Variants in DNAI3 observed in about 807,000 individuals in gnomAD.
The protein encoded by DNAI3 is WD repeat domain 63.
A neutral mutation model predicts 115.5 loss-of-function variants in DNAI3; 83 were observed. The ratio of observed to expected loss-of-function variants is 0.72; its 90% CI spans 0.60 to 0.86. DNAI3 has a LOEUF of 0.86. Ranked by LOEUF, DNAI3 falls within the 40% of genes least tolerant of loss-of-function variation. The pLI is 0.00. For synonymous variants in DNAI3, 320 were observed against 347.0 expected (o/e 0.92, Z 0.86); for missense variants, 1,004 against 1,075.8 (o/e 0.93, Z 0.93).
chr1:85,072,954 C>CAAAA lies in DNAI3; in HGVS notation c.65-83_65-80dup, dbSNP rs35956778. The CAAAA allele has an allele frequency of 1.5e-3, 615 of 407,718 alleles. 4 individuals carry two copies. The highest frequency in any genetic ancestry group is 3.6e-3 in the African/African-American group (100 of 27,526). 25.3% of individuals were successfully genotyped at this position (407,718 alleles called of 1,614,324 possible). ...TGGGCGACAGAGCAAGACTCCGTCTCAAAAAAAAAAAAAAAAAAAAGAAGA... is the reference window on the plus strand; with the variant it reads ...TGGGCGACAGAGCAAGACTCCGTCTCAAAAAAAAAAAAAAAAAAAAAAAAGAAGA... On this transcript the variant is annotated intron_variant, in intron 2 of 22. Transcript: ENST00000294664.
chr1:85,113,271 G>C lies in DNAI3; in HGVS notation c.1786+3136G>C, dbSNP rs1020173187. ...ATCAATTTATTCTTTTGTGGATCAT[G>C]GTTTTGGTGTTGAATTTAAGAAATG... On this transcript the variant is annotated intron_variant, in intron 16 of 22. Coordinates refer to ENST00000294664, the MANE Select transcript of DNAI3 (RefSeq NM_145172.5). 7.9e-5 allele frequency among the ~76,000 whole-genome samples: 12 copies of C among 152,210 alleles called. 1 individual carries two copies. The highest frequency in any genetic ancestry group is 2.9e-4 in the African/African-American group (12 of 41,534).
chr1:85,077,146 A>G (rs945389115), intron 3 of DNAI3, among the ~76,000 whole-genome samples: 3 of 152,234 alleles, frequency 2.0e-5, no homozygotes, highest in Non-Finnish European at 2.9e-5. Context: ...AGAGTCCAAA[A>G]ATAGACCACA....
intron 2 of DNAI3, 58 bp downstream of exon 2, chr1:85,072,063 C>A: frequency 6.8e-7 from 1 of 1,469,728 alleles, no homozygotes; most frequent in Non-Finnish European, 9.3e-7. Flanking sequence ...TATATATTAG[C>A]AGCAAAATGA....
At chr1:85,088,288 C>T (rs1346079584) in intron 7 of DNAI3, among the ~76,000 whole-genome samples, 1 of 151,906 alleles carries the variant, frequency 6.6e-6, no homozygotes, top group East Asian at 1.9e-4. Flanking sequence ...TGGCAGTGTT[C>T]CTACATAGAG....
At chr1:85,119,837 A>G (rs1159494223) in intron 17 of DNAI3, among the ~76,000 whole-genome samples, 1 of 152,128 alleles carries the variant, frequency 6.6e-6, no homozygotes, top group African/African-American at 2.4e-5. Context: ...AGCTGGAATT[A>G]CAGGCGTGTG....
chr1:85,125,336 C>CAT (rs960467535), intron 19 of DNAI3, among the ~76,000 whole-genome samples: 13 of 151,660 alleles, frequency 8.6e-5, no homozygotes, highest in Non-Finnish European at 1.6e-4. Flanking sequence ...TATACACACA[C>CAT]ATATATATAT....
In DNAI3 at chr1:85,121,614, C is replaced by T; in HGVS notation, c.1918-137C>T. The T allele has an allele frequency of 2.7e-6, 2 of 737,138 alleles. 1 individual carries two copies. The highest frequency in any genetic ancestry group is 3.8e-5 in the South Asian group (2 of 52,330). The allele number at this position is 737,138 out of a possible 1,614,324, so 45.7% of individuals were successfully genotyped here. A position where few individuals can be genotyped will look rare whatever the true frequency, so the allele number is the denominator to read the frequency against. On this transcript the variant is annotated intron_variant, in intron 17 of 22. Transcript: ENST00000294664. ...ATTTTGAGGCTTTCCCTCTCCCCCACTGGATCAAATTACTTGATTAAATTG... is the reference window on the plus strand; with the variant it reads ...ATTTTGAGGCTTTCCCTCTCCCCCATTGGATCAAATTACTTGATTAAATTG...
chr1:85,096,457 T>C (rs894511845), intron 11 of DNAI3, among the ~76,000 whole-genome samples: 6 of 148,440 alleles, frequency 4.0e-5, no homozygotes, highest in African/African-American at 1.5e-4. Context: ...GATATATGTG[T>C]GTATATATAT....
intron 12 of DNAI3, 93 bp downstream of exon 12, chr1:85,097,748 CAA>C: frequency 9.2e-7 from 1 of 1,092,828 alleles, no homozygotes; most frequent in Non-Finnish European, 1.3e-6. Context: ...AATAAAAACT[CAA>C]GAGAAAAAAG....
intron 16 of DNAI3, among the ~76,000 whole-genome samples, chr1:85,116,495 A>T (rs1178227149): frequency 6.6e-6 from 1 of 152,224 alleles, no homozygotes; most frequent in Non-Finnish European, 1.5e-5. Flanking sequence ...TTCTCAATGT[A>T]TGTATATGTA....
intron 14 of DNAI3, among the ~76,000 whole-genome samples, chr1:85,106,709 G>A (rs1229190100): frequency 2.6e-5 from 4 of 152,178 alleles, no homozygotes; most frequent in Admixed American, 6.6e-5. Context: ...AAATAGACCT[G>A]AGAGTCCAGA....
intron 3 of DNAI3, among the ~76,000 whole-genome samples, chr1:85,077,692 G>A (rs1348569319): frequency 6.6e-6 from 1 of 152,118 alleles, no homozygotes; most frequent in Non-Finnish European, 1.5e-5. Context: ...GAGGTGTATT[G>A]GAAGGCAGGG....
At chr1:85,092,790 A>G (rs1227919838) in intron 8 of DNAI3, among the ~76,000 whole-genome samples, 1 of 118,816 alleles carries the variant, frequency 8.4e-6, no homozygotes, top group Admixed American at 9.2e-5. Flanking sequence ...GTGACAACTA[A>G]AACTACACAC....
Position 85,132,889 on chromosome 1 carries a change from C to G in DNAI3, c.2567C>G (p.Ala856Gly). Residue 856 changes from alanine (A) to glycine (G), a missense_variant, in exon 23 of 23, where the codon GCT (alanine) becomes GGT (glycine). Ala to Gly is a moderately conservative substitution (Grantham distance 60). Around this residue, in one of 3 missense-constraint regions of DNAI3, gnomAD observed 429 missense variants for 454.3 expected, o/e 0.94. Transcript: ENST00000294664. ...CAGAAGTCAAAAGAACAAATGCAGG[C>G]TGAATTAAAAATGGACTATGAGAGT... The part of the protein sequence containing the change: ...TYQKSKEQMQ[A>G]ELKMDYESYL... 6.2e-7 allele frequency: 1 copy of G among 1,613,696 alleles called. No homozygotes were observed.
chr1:85,116,525 T>C (rs973888183), intron 16 of DNAI3, among the ~76,000 whole-genome samples: 1 of 152,232 alleles, frequency 6.6e-6, no homozygotes, highest in Non-Finnish European at 1.5e-5. Flanking sequence ...TATATACATA[T>C]TCTACTTCTC....
intron 1 of DNAI3, among the ~76,000 whole-genome samples, chr1:85,068,606 T>G (rs955410087): frequency 2.0e-5 from 3 of 152,218 alleles, no homozygotes; most frequent in Admixed American, 6.5e-5. Context: ...TGGAGTAAAG[T>G]AACTTCTCAG....
At position 85,093,503 on chromosome 1, in the gene DNAI3, T is replaced by C. The variant is rs754808452; in HGVS notation, c.903T>C (p.Ile301=). Residue 301 remains isoleucine (I), a synonymous_variant, in exon 9 of 23, where the codon ATT becomes ATC. Coordinates refer to ENST00000294664, the MANE Select transcript of DNAI3 (RefSeq NM_145172.5). ...LQQNEIMNTF[I]DDWKYLAEEE... ...AAAATGAAATCATGAACACATTTAT[T>C]GATGACTGGAAATACCTCGCAGAAG... is the stretch of plus-strand genomic sequence containing the variant. 1 of 1,614,170 alleles carries C rather than the reference T, an allele frequency of 6.2e-7. No homozygotes were observed. The highest frequency in any genetic ancestry group is 8.5e-7 in the Non-Finnish European group (1 of 1,180,026).
At chr1:85,074,618 A>C (rs1158089363) in intron 3 of DNAI3, among the ~76,000 whole-genome samples, 1 of 152,132 alleles carries the variant, frequency 6.6e-6, no homozygotes, top group Non-Finnish European at 1.5e-5. Flanking sequence ...ACCTTGTTTA[A>C]TTGCTTTCAT....
intron 1 of DNAI3, among the ~76,000 whole-genome samples, chr1:85,070,754 G>A (rs541120116): frequency 1.8e-4 from 27 of 152,264 alleles, no homozygotes; most frequent in African/African-American, 6.5e-4. Context: ...ACTATTATAT[G>A]TCAATAAAAA....
Sources: allele counts gnomAD v4.1 joint callset (sites outside exome capture counted in the v4.1 genomes callset), GRCh38; gene constraint gnomAD v4.1.1; regional missense constraint gnomAD v4.1.1; transcripts MANE v1.5; gene names NCBI Gene and HGNC (gene_info 2026-07-23, HGNC 2026-07-21).